The following TECPR2 variants were observed in gnomAD, a reference collection of about 807,000 sequenced individuals.
TECPR2 encodes tectonin beta-propeller repeat-containing protein 2.
Under a neutral mutation model 138.1 loss-of-function variants are expected in TECPR2, and 65 were observed. The observed-to-expected ratio is 0.47, with a 90% CI of 0.39 to 0.58. The LOEUF is 0.58. TECPR2 is among the 20% of genes least tolerant of loss of function. The probability of loss-of-function intolerance (pLI) is 0.00; values close to 1 mark genes in which losing one functional copy is unlikely to be tolerated. For missense variants in TECPR2, 1,553 were observed against 1,824.5 expected, an observed-to-expected ratio of 0.85 and a Z score of 2.71; for synonymous variants, 746 against 749.8, an observed-to-expected ratio of 0.99 and a Z score of 0.08.
intron 2 of TECPR2, among the ~76,000 whole-genome samples, chr14:102,385,935 C>CAA (rs368972152): frequency 7.5e-6 from 1 of 134,048 alleles, no homozygotes. Context: ...GACCCTGCCT[C>CAA]AAAAAAAAAA....
Position 102,497,724 on chromosome 14 carries a change from G to T in TECPR2, c.4081+5G>T. 6.3e-7 allele frequency: 1 copy of T among 1,599,870 alleles called. No individual in the cohort carries two copies. The highest frequency in any genetic ancestry group is 8.5e-7 in the Non-Finnish European group (1 of 1,171,664). On this transcript the variant is annotated splice_donor_5th_base_variant and intron_variant, in intron 19 of 19. Transcript: ENST00000359520. Reference sequence around the variant, plus strand: ...GCAGCGTGTCGTGTTTCACAGGCAGGTGCCCGGGGCCAGTGGGCTTAAGGC... The same window carrying T: ...GCAGCGTGTCGTGTTTCACAGGCAGTTGCCCGGGGCCAGTGGGCTTAAGGC...
chr14:102,371,840 AG>A (rs1225870322), intron 1 of TECPR2, among the ~76,000 whole-genome samples: 2 of 152,176 alleles, frequency 1.3e-5, no homozygotes, highest in African/African-American at 4.8e-5. Context: ...ATCACATTCT[AG>A]GGGAATATTT....
intron 5 of TECPR2, among the ~76,000 whole-genome samples, chr14:102,418,984 C>G (rs755354911): frequency 4.6e-5 from 7 of 152,018 alleles, no homozygotes; most frequent in Non-Finnish European, 1.0e-4. Flanking sequence ...TGCTGTGGCC[C>G]CGCCATGTCC....
intron 13 of TECPR2, among the ~76,000 whole-genome samples, chr14:102,448,280 A>C (rs1890042425): frequency 6.6e-6 from 1 of 152,226 alleles, no homozygotes; most frequent in South Asian, 2.1e-4. Flanking sequence ...CATTTATGCC[A>C]GTGATGTTTT....
At chr14:102,437,911 C>A (rs761467300) in intron 9 of TECPR2, 111 bp from the exon 10 acceptor site, 122 of 1,277,974 alleles carry the variant, frequency 9.5e-5, no homozygotes, top group Non-Finnish European at 1.2e-4. Flanking sequence ...TCTTGCTGAC[C>A]CGTTTTACCG....
At chr14:102,399,845 GA>G (rs1177141744) in intron 2 of TECPR2, among the ~76,000 whole-genome samples, 433 of 106,514 alleles carry the variant, frequency 4.1e-3, no homozygotes, top group African/African-American at 0.012. Flanking sequence ...AAGAAATGAA[GA>G]AAAAAAAAAA....
At chr14:102,383,091 T>C (rs971313546) in intron 2 of TECPR2, among the ~76,000 whole-genome samples, 4 of 152,172 alleles carry the variant, frequency 2.6e-5, no homozygotes, top group Non-Finnish European at 5.9e-5. Context: ...GATGAATTTA[T>C]ATGTGTATGC....
chr14:102,447,130 G>A (rs1332127633), intron 13 of TECPR2, among the ~76,000 whole-genome samples: 8 of 152,130 alleles, frequency 5.3e-5, no homozygotes, highest in Non-Finnish European at 1.0e-4. Context: ...CAGCAAGAGC[G>A]CCTAGAATGA....
In TECPR2 at chr14:102,440,554, G is replaced by A. The variant is rs755040646; in HGVS notation, c.2697G>A (p.Leu899=). Residue 899 remains leucine (L), a synonymous_variant, in exon 11 of 20, where the codon CTG becomes CTA. Transcript: ENST00000359520. ...TGCCCCAGGCAGTGTTTGTGGCCCT[G>A]AGCGATGACACGGCCTGGATCATCA... ...EALPQAVFVA[L]SDDTAWIIRT... 20 of 1,614,086 alleles carry A rather than the reference G, an allele frequency of 1.2e-5. No homozygotes were observed. In the Admixed American group the frequency reaches 3.3e-4, roughly 27 times the overall value.
chr14:102,443,777 C>T lies in TECPR2; in HGVS notation c.2883C>T (p.Gly961=), dbSNP rs774460423. 6.8e-6 allele frequency: 11 copies of T among 1,606,602 alleles called. No homozygotes were observed. In the East Asian group the frequency reaches 1.1e-4, roughly 16 times the overall value. Residue 961 remains glycine (G), a synonymous_variant, in exon 12 of 20, where the codon GGC becomes GGT. Transcript: ENST00000359520. The surrounding 1 kb of genome is among the most constrained non-coding windows in gnomAD (Gnocchi z 4.9). The stretch of plus-strand genomic sequence containing the variant: ...AGAGGGCCCTCCTGTACCGGGAGGG[C>T]GTGAGCAGCTTCTGTCCGGAAGGCG... ...TEQRALLYRE[G]VSSFCPEGEQ...
chr14:102,366,104 A>G (rs1248091208), intron 1 of TECPR2, among the ~76,000 whole-genome samples: 1 of 152,188 alleles, frequency 6.6e-6, no homozygotes, highest in Non-Finnish European at 1.5e-5. Flanking sequence ...GTTATTGTAC[A>G]GCGAAGTGGA....
chr14:102,493,698 G>A (rs1447188069), intron 17 of TECPR2, among the ~76,000 whole-genome samples: 1 of 152,160 alleles, frequency 6.6e-6, no homozygotes, highest in Non-Finnish European at 1.5e-5. Context: ...CTGCCCTCCT[G>A]GATTGCATCC....
intron 5 of TECPR2, among the ~76,000 whole-genome samples, chr14:102,423,662 A>T (rs1889241738): frequency 1.3e-5 from 2 of 152,154 alleles, no homozygotes; most frequent in African/African-American, 4.8e-5. Flanking sequence ...ATGTTCACAC[A>T]ACGAAGACAT....
chr14:102,427,100 G>A (rs887854040), intron 6 of TECPR2, among the ~76,000 whole-genome samples: 1 of 152,078 alleles, frequency 6.6e-6, no homozygotes, highest in African/African-American at 2.4e-5. Context: ...AAATGGGGTG[G>A]GGGTGGAAGA....
At position 102,452,495 on chromosome 14, in the gene TECPR2, G is replaced by A. The variant is rs930649767; in HGVS notation, c.3508G>A (p.Glu1170Lys). The part of the protein sequence containing the change: ...PSTVQLPPEA[E>K]MRAYAACQDA... ...CACGGTGCAGCTGCCTCCCGAAGCC[G>A]AGATGCGCGCCTATGCCGCCTGCCA... is the stretch of plus-strand genomic sequence containing the variant. Residue 1170 changes from glutamate (E) to lysine (K), a missense_variant, in exon 16 of 20, where the codon GAG (glutamate) becomes AAG (lysine). By Grantham distance (56) the Glu-to-Lys change is moderately conservative (BLOSUM62 1). Coordinates refer to ENST00000359520, the MANE Select transcript of TECPR2 (RefSeq NM_014844.5). The A allele has an allele frequency of 1.1e-5, 17 of 1,613,212 alleles. No homozygotes were observed. The highest frequency in any genetic ancestry group is 1.6e-4 in the Middle Eastern group (1 of 6,082).
chr14:102,393,821 A>C (rs985603092), intron 2 of TECPR2, among the ~76,000 whole-genome samples: 1 of 152,198 alleles, frequency 6.6e-6, no homozygotes, highest in African/African-American at 2.4e-5. Context: ...CGGCCTCCCA[A>C]AGTGCTGGGA....
intron 7 of TECPR2, 98 bp from the exon 8 acceptor site, chr14:102,431,698 C>A: frequency 8.1e-7 from 1 of 1,238,152 alleles, no homozygotes; most frequent in Non-Finnish European, 1.1e-6. Flanking sequence ...TGGCTGGTGC[C>A]TCTGTGACAA....
At position 102,437,248 on chromosome 14, in the gene TECPR2, TA is replaced by T. The variant is rs149941967; in HGVS notation, c.2395-770del. 1,711 of 967,150 alleles carry T rather than the reference TA, an allele frequency of 1.8e-3. 83 individuals are homozygous for T. The East Asian group carries it at 0.14, about 77-fold the overall frequency. The allele number at this position is 967,150 out of a possible 1,614,324, so 59.9% of individuals were successfully genotyped here. ...AAAGACTTTATTTAGCTTTGATTTT[TA>T]AAAGAATTCTAGCAAGGTCGGGCAC... On this transcript the variant is annotated intron_variant, in intron 9 of 19. Coordinates refer to ENST00000359520, the MANE Select transcript of TECPR2 (RefSeq NM_014844.5).
intron 1 of TECPR2, among the ~76,000 whole-genome samples, chr14:102,370,756 G>C (rs1325538569): frequency 6.6e-6 from 1 of 152,210 alleles, no homozygotes; most frequent in Admixed American, 6.5e-5. Flanking sequence ...CGGGGAGGGA[G>C]AGGCGGGCAG....
Sources: allele counts gnomAD v4.1 joint callset (sites outside exome capture counted in the v4.1 genomes callset), GRCh38; gene constraint gnomAD v4.1.1; non-coding constraint Gnocchi (gnomAD v3.1); transcripts MANE v1.5; gene names NCBI Gene and HGNC (gene_info 2026-07-23, HGNC 2026-07-21).